Variants in IARS1 observed in about 807,000 individuals in gnomAD.
IARS1 encodes isoleucine--tRNA ligase, cytoplasmic.
IARS1 carries 124 observed loss-of-function variants against 168.2 expected under a neutral mutation model. That is an observed-to-expected ratio of 0.74 (90% confidence interval 0.64 to 0.86). IARS1 has a LOEUF of 0.86. Ranked by LOEUF, IARS1 falls within the 40% of genes least tolerant of loss-of-function variation. IARS1 has a pLI of 0.00. For missense variants in IARS1, 1,452 were observed against 1,515.8 expected (o/e 0.96, Z 0.70); for synonymous variants, 532 against 529.4 (o/e 1.00, Z -0.07).
At chr9:92,246,701 C>T (rs1381358170) in intron 26 of IARS1, among the ~76,000 whole-genome samples, 1 of 152,122 alleles carries the variant, frequency 6.6e-6, no homozygotes, top group Non-Finnish European at 1.5e-5. Context: ...CACATACCAC[C>T]ACATCTGGCT....
intron 2 of IARS1, among the ~76,000 whole-genome samples, chr9:92,288,930 C>A (rs1205825497): frequency 6.6e-6 from 1 of 151,978 alleles, no homozygotes; most frequent in African/African-American, 2.4e-5. Context: ...TGCTTTAGGC[C>A]GCGCGTGATG....
intron 31 of IARS1, among the ~76,000 whole-genome samples, chr9:92,227,234 T>C (rs1415407867): frequency 1.4e-4 from 20 of 147,904 alleles, no homozygotes; most frequent in African/African-American, 4.8e-4. Flanking sequence ...AACCATCCGA[T>C]TTCTCAATCT....
At chr9:92,244,364 A>G (rs1162464176) in intron 27 of IARS1, among the ~76,000 whole-genome samples, 1 of 152,032 alleles carries the variant, frequency 6.6e-6, no homozygotes, top group Non-Finnish European at 1.5e-5. Context: ...GTGCTGCTCT[A>G]CCTTCCCCTG....
chr9:92,243,062 C>T (rs1828672737), intron 28 of IARS1, 154 bp downstream of exon 28: 4 of 581,814 alleles, frequency 6.9e-6, no homozygotes, highest in South Asian at 1.9e-5. Context: ...AGAGGAGTGA[C>T]TTTTCTGCAG....
At chr9:92,253,713 G>A (rs1392189174) in intron 20 of IARS1, 2 of 515,666 alleles carry the variant, frequency 3.9e-6, no homozygotes, top group Non-Finnish European at 7.2e-6. Context: ...AGTGAGAAAA[G>A]CCAAAAACTC....
intron 10 of IARS1, among the ~76,000 whole-genome samples, chr9:92,273,783 T>C (rs1301607537): frequency 6.6e-6 from 1 of 152,206 alleles, no homozygotes; most frequent in Non-Finnish European, 1.5e-5. Context: ...AAAGTCACAT[T>C]TCCAATCCCT....
chr9:92,283,472 T>C (rs1834959244), intron 6 of IARS1, among the ~76,000 whole-genome samples: 1 of 151,874 alleles, frequency 6.6e-6, no homozygotes, highest in Admixed American at 6.6e-5. Context: ...GGCGAAACCC[T>C]GTCTCTACTA....
intron 4 of IARS1, 53 bp downstream of exon 4, chr9:92,287,737 GC>G: frequency 6.4e-7 from 1 of 1,552,562 alleles, no homozygotes; most frequent in Non-Finnish European, 8.7e-7. Context: ...CCATTTCAAT[GC>G]CCATTTAGTA....
intron 30 of IARS1, among the ~76,000 whole-genome samples, chr9:92,239,409 A>T (rs534728178): frequency 2.6e-4 from 40 of 152,122 alleles, no homozygotes; most frequent in African/African-American, 6.5e-4. Context: ...GAAAAATCCA[A>T]TATCATTTGT....
chr9:92,248,430 C>T (rs965236667), intron 25 of IARS1, among the ~76,000 whole-genome samples: 5 of 151,902 alleles, frequency 3.3e-5, no homozygotes, highest in African/African-American at 7.3e-5. Context: ...CTTAGCACTT[C>T]GGGAGATCGA....
intron 33 of IARS1, among the ~76,000 whole-genome samples, chr9:92,212,775 T>C (rs912246777): frequency 2.0e-5 from 3 of 152,136 alleles, no homozygotes; most frequent in Admixed American, 1.3e-4. Flanking sequence ...AAGCCTTTGA[T>C]AGAGTGAAAG....
chr9:92,218,047 C>T (rs1048290564), intron 33 of IARS1, among the ~76,000 whole-genome samples: 4 of 152,128 alleles, frequency 2.6e-5, no homozygotes, highest in African/African-American at 9.7e-5. Flanking sequence ...CAAAACGAAT[C>T]CAGCAGCACA....
At chr9:92,244,174 A>C (rs868216828) in intron 27 of IARS1, among the ~76,000 whole-genome samples, 2 of 152,282 alleles carry the variant, frequency 1.3e-5, no homozygotes, top group Non-Finnish European at 1.5e-5. Context: ...CAGGCCCCTA[A>C]CATCTGCTGT....
rs1400908302 is a variant in IARS1, at chr9:92,253,421, C to T, written c.2170G>A (p.Val724Ile). Reference protein sequence around the residue: ...YRLYTVVPRLVKFVDILTNWY... With the variant: ...YRLYTVVPRLIKFVDILTNWY... ...TTGGTCAGAATATCTACAAACTTGA[C>T]CAGGCGAGGCACCACAGTATAAAGC... Residue 724 changes from valine to isoleucine, a missense_variant, in exon 21 of 34, where the codon GTC becomes ATC. Transcript: ENST00000443024. The T allele has an allele frequency of 6.2e-7, 1 of 1,613,696 alleles. No homozygotes were observed. The highest frequency in any genetic ancestry group is 2.2e-5 in the East Asian group (1 of 44,886).
At position 92,246,726 on chromosome 9, in the gene IARS1, G is replaced by A. The variant is rs145757091; in HGVS notation, c.2791+651C>T. On this transcript the variant is annotated intron_variant, in intron 26 of 33. Transcript: ENST00000443024. Reference sequence around the variant, plus strand: ...CACATCTGGCTAAGTGTGGTAGTATGTGCCTGTAGTGATCTCAAGTGATCT... The same window carrying A: ...CACATCTGGCTAAGTGTGGTAGTATATGCCTGTAGTGATCTCAAGTGATCT... Among the ~76,000 whole-genome samples the A allele has an allele frequency of 5.0e-3, 765 of 152,232 alleles. 3 individuals are homozygous for A. Among genetic ancestry groups the A allele is most frequent in the Non-Finnish European group, 8.8e-3 (596 of 68,014 alleles).
At chr9:92,263,201 C>T (rs1831781282) in intron 16 of IARS1, 146 bp from the exon 17 acceptor site, 1 of 607,358 alleles carries the variant, frequency 1.6e-6, no homozygotes, top group African/African-American at 1.9e-5. Flanking sequence ...ATCCTGGTTA[C>T]TGGAGACCAA....
chr9:92,223,775 A>C (rs1271217161), intron 31 of IARS1, among the ~76,000 whole-genome samples: 5 of 152,212 alleles, frequency 3.3e-5, no homozygotes, highest in Non-Finnish European at 5.9e-5. Context: ...AGCTCCTCTT[A>C]AAATTTCCTC....
intron 33 of IARS1, 116 bp from the exon 34 acceptor site, chr9:92,211,005 T>C: frequency 1.5e-6 from 1 of 675,262 alleles, no homozygotes; most frequent in East Asian, 2.7e-5. Context: ...CTAAGAGTTC[T>C]GCCTTTTGTC....
Position 92,212,956 on chromosome 9 carries a change from C to A in IARS1, c.3707-2067G>T, listed in dbSNP as rs900952140. 2.6e-5 allele frequency among the ~76,000 whole-genome samples: 4 copies of A among 152,096 alleles called. No individual in the cohort carries two copies. In the South Asian group the frequency reaches 6.2e-4, roughly 24 times the overall value. ...TAGCTCTGGTGAAGAGTACAGACTG[C>A]AGACTGGTGACTTAGATGGATGATG... is the stretch of plus-strand genomic sequence containing the variant. On this transcript the variant is annotated intron_variant, in intron 33 of 33. Coordinates refer to ENST00000443024, the MANE Select transcript of IARS1 (RefSeq NM_002161.6).
Sources: allele counts gnomAD v4.1 joint callset (sites outside exome capture counted in the v4.1 genomes callset), GRCh38; gene constraint gnomAD v4.1.1; transcripts MANE v1.5; gene names NCBI Gene and HGNC (gene_info 2026-07-23, HGNC 2026-07-21).